SPOCK3: variants seen among roughly 807,000 people sequenced by gnomAD.
The protein encoded by SPOCK3 is testican-3.
SPOCK3 carries 30 observed loss-of-function variants against 56.6 expected under a neutral mutation model. That is an observed-to-expected ratio of 0.53 (90% CI 0.40 to 0.72). The LOEUF is 0.72. Ranked by LOEUF, SPOCK3 falls within the 30% of genes least tolerant of loss-of-function variation. The pLI is 0.00. For synonymous variants in SPOCK3, 196 were observed against 183.3 expected (o/e 1.07, Z -0.56); for missense variants, 527 against 530.0 (o/e 0.99, Z 0.06).
chr4:166,909,997 CA>C (rs556250010), intron 5 of SPOCK3, among the ~76,000 whole-genome samples: 5 of 151,858 alleles, frequency 3.3e-5, no homozygotes, highest in South Asian at 2.1e-4. Flanking sequence ...GAGGGGGGAA[CA>C]AAAAAACACC....
At chr4:166,777,083 G>A (rs921103412) in intron 7 of SPOCK3, among the ~76,000 whole-genome samples, 4 of 151,992 alleles carry the variant, frequency 2.6e-5, no homozygotes, top group African/African-American at 9.7e-5. Context: ...TAGCACACAG[G>A]CCAATAATAA....
chr4:167,032,873 C>T (rs1266028956), intron 3 of SPOCK3, among the ~76,000 whole-genome samples: 1 of 151,932 alleles, frequency 6.6e-6, no homozygotes, highest in Non-Finnish European at 1.5e-5. Context: ...TCTTAAGATG[C>T]TAATGAGACA....
At chr4:166,766,095 G>T (rs561188811) in intron 7 of SPOCK3, among the ~76,000 whole-genome samples, 1 of 152,124 alleles carries the variant, frequency 6.6e-6, no homozygotes, top group Non-Finnish European at 1.5e-5. Context: ...GGGCTGAGAT[G>T]ATAGGGTTTT....
Position 166,953,207 on chromosome 4 carries a change from G to C in SPOCK3, c.351-40464C>G, listed in dbSNP as rs1445653931. Among the ~76,000 whole-genome samples the C allele has an allele frequency of 1.3e-3, 196 of 151,338 alleles. 1 individual carries two copies. The highest frequency in any genetic ancestry group is 4.0e-3 in the African/African-American group (165 of 41,302). On this transcript the variant is annotated intron_variant, in intron 4 of 10. Coordinates refer to ENST00000357545, the MANE Select transcript of SPOCK3 (RefSeq NM_001040159.2). ...TCTTCTGACAAAGGGCTAATATCCA[G>C]AATCTACAATGAACTCAAACAAATT...
chr4:167,120,156 G>A (rs968180033), intron 2 of SPOCK3, among the ~76,000 whole-genome samples: 7 of 151,998 alleles, frequency 4.6e-5, no homozygotes, highest in South Asian at 2.1e-4. Flanking sequence ...TGTGGTTGAC[G>A]AGTTAGACTC....
At chr4:167,159,322 A>T (rs532805117) in intron 2 of SPOCK3, among the ~76,000 whole-genome samples, 5 of 152,116 alleles carry the variant, frequency 3.3e-5, no homozygotes, top group African/African-American at 1.2e-4. Flanking sequence ...GGCATCTTGG[A>T]ACCTGAGAAA....
rs189735081 is a variant in SPOCK3, at chr4:166,892,875, C to T, written c.475-3631G>A. Among the ~76,000 whole-genome samples the T allele has an allele frequency of 1.3e-3, 197 of 152,056 alleles. 3 individuals are homozygous for T. Among genetic ancestry groups the T allele is most frequent in the Admixed American group, 0.011 (174 of 15,238 alleles). On this transcript the variant is annotated intron_variant, in intron 5 of 10. Transcript: ENST00000357545. ...ATGATCATATTATTGGAAAAAAATGCGGCATATGAAAAAGAGCCCAACCTT... is the reference window on the plus strand; with the variant it reads ...ATGATCATATTATTGGAAAAAAATGTGGCATATGAAAAAGAGCCCAACCTT...
At chr4:167,181,753 C>T (rs557530656) in intron 2 of SPOCK3, among the ~76,000 whole-genome samples, 1 of 152,306 alleles carries the variant, frequency 6.6e-6, no homozygotes, top group South Asian at 2.1e-4. Flanking sequence ...AAGCTATACT[C>T]AGTAGTTGCA....
chr4:166,950,232 T>C (rs1455595704), intron 4 of SPOCK3, among the ~76,000 whole-genome samples: 1 of 151,670 alleles, frequency 6.6e-6, no homozygotes, highest in Non-Finnish European at 1.5e-5. Context: ...AATAAAAGAA[T>C]GCAGGAAGAT....
At chr4:166,844,943 G>T (rs147228024) in intron 6 of SPOCK3, among the ~76,000 whole-genome samples, 120 of 152,284 alleles carry the variant, frequency 7.9e-4, no homozygotes, top group African/African-American at 2.8e-3. Flanking sequence ...TTACCTGTCC[G>T]TGGTTTTTTC....
At chr4:166,777,907 G>A (rs925669456) in intron 7 of SPOCK3, among the ~76,000 whole-genome samples, 27 of 152,066 alleles carry the variant, frequency 1.8e-4, no homozygotes, top group African/African-American at 4.8e-4. Context: ...CATGAAATAA[G>A]GCAAATACTT....
intron 2 of SPOCK3, among the ~76,000 whole-genome samples, chr4:167,072,762 A>G (rs772792989): frequency 6.6e-6 from 1 of 151,880 alleles, no homozygotes; most frequent in Non-Finnish European, 1.5e-5. Flanking sequence ...AAAAGTAATC[A>G]CGATATGTAT....
intron 3 of SPOCK3, among the ~76,000 whole-genome samples, chr4:167,025,703 G>T (rs893670383): frequency 6.6e-6 from 1 of 151,978 alleles, no homozygotes; most frequent in African/African-American, 2.4e-5. Context: ...CAAAGCATGT[G>T]TTTTTTAATT....
chr4:166,746,442 C>A (rs1735626916), intron 8 of SPOCK3, among the ~76,000 whole-genome samples: 1 of 152,100 alleles, frequency 6.6e-6, no homozygotes. Flanking sequence ...CCAATGAGAA[C>A]AAAGACAGAA....
intron 3 of SPOCK3, among the ~76,000 whole-genome samples, chr4:167,056,739 A>T (rs1437254428): frequency 6.6e-6 from 1 of 152,164 alleles, no homozygotes; most frequent in Non-Finnish European, 1.5e-5. Context: ...TTAGAGAAAA[A>T]AGAATAAAAA....
intron 2 of SPOCK3, among the ~76,000 whole-genome samples, chr4:167,102,844 G>A (rs1759771512): frequency 6.6e-6 from 1 of 150,776 alleles, no homozygotes; most frequent in African/African-American, 2.4e-5. Context: ...TCAGAGACAG[G>A]GGATGTGGGA....
At chr4:167,082,760 G>A (rs1453247548) in intron 2 of SPOCK3, among the ~76,000 whole-genome samples, 3 of 142,832 alleles carry the variant, frequency 2.1e-5, no homozygotes, top group Admixed American at 1.4e-4. Context: ...GGAAGGAAGG[G>A]AGGGAGGGAG....
In SPOCK3 at chr4:167,059,529, T is replaced by C. The variant is rs555977532; in HGVS notation, c.235+2963A>G. On this transcript the variant is annotated intron_variant, in intron 3 of 10. Coordinates refer to ENST00000357545, the MANE Select transcript of SPOCK3 (RefSeq NM_001040159.2). ...AGGTGCTGGAGAGGATGTGGAGAAATAGGAACACTTTTACACTGTTGTTGG... is the reference window on the plus strand; with the variant it reads ...AGGTGCTGGAGAGGATGTGGAGAAACAGGAACACTTTTACACTGTTGTTGG... Among the ~76,000 whole-genome samples the C allele has an allele frequency of 4.3e-3, 648 of 151,956 alleles. 8 individuals are homozygous for C. The highest frequency in any genetic ancestry group is 0.014 in the African/African-American group (592 of 41,446).
chr4:166,843,237 C>T (rs1035994289), intron 6 of SPOCK3, among the ~76,000 whole-genome samples: 3 of 152,216 alleles, frequency 2.0e-5, no homozygotes, highest in Non-Finnish European at 4.4e-5. Context: ...GTGGCTCCCA[C>T]AGGGCAGAGG....
Sources: gnomAD v4.1 joint callset for allele counts (sites outside exome capture counted in the v4.1 genomes callset) on GRCh38, gnomAD v4.1.1 for gene constraint, MANE v1.5 for transcripts, NCBI Gene and HGNC (gene_info 2026-07-23, HGNC 2026-07-21) for gene names.